DENND1B: variants seen among roughly 807,000 people sequenced by gnomAD.
DENND1B encodes the protein DENN domain containing 1B.
Under a neutral mutation model 90.1 loss-of-function variants are expected in DENND1B, and 59 were observed. The observed-to-expected ratio is 0.65, with a 90% CI of 0.53 to 0.81. The LOEUF (loss-of-function observed/expected upper bound fraction) is 0.81. DENND1B is among the 40% of genes least tolerant of loss of function. The probability of loss-of-function intolerance (pLI) is 0.00; values close to 1 mark genes in which losing one functional copy is unlikely to be tolerated. For missense variants in DENND1B, 862 were observed against 912.6 expected (o/e 0.94, Z 0.71); for synonymous variants, 337 against 324.6 (o/e 1.04, Z -0.41).
chr1:197,740,645 TAAATTACAAGGG>T (rs1444745672), intron 2 of DENND1B, among the ~76,000 whole-genome samples: 2 of 152,214 alleles, frequency 1.3e-5, no homozygotes, highest in East Asian at 3.8e-4. Context: ...ACAGAATGTT[TAAATTACAAGGG>T]GCTTTTGGAT....
rs1432446718 is a variant in DENND1B, at chr1:197,552,800, C to T, written c.1240+222G>A. On this transcript the variant is annotated intron_variant, in intron 16 of 22. Coordinates refer to ENST00000620048, the MANE Select transcript of DENND1B (RefSeq NM_001195215.2). The stretch of plus-strand genomic sequence containing the variant: ...AATATTAAGAGATTATCGAGGCCAA[C>T]AGCTGCCAATTCAGGAGGCCAACTT... 2.3e-6 allele frequency: 3 copies of T among 1,314,988 alleles called. No homozygotes were observed. The African/African-American group carries it at 4.7e-5, about 20-fold the overall frequency. The allele number at this position is 1,314,988 out of a possible 1,614,324, so 81.5% of individuals were successfully genotyped here.
chr1:197,597,284 T>C (rs10922264), intron 13 of DENND1B, among the ~76,000 whole-genome samples: 1 of 151,724 alleles, frequency 6.6e-6, no homozygotes, highest in Non-Finnish European at 1.5e-5. Flanking sequence ...ATGCCTTCAA[T>C]AGCAATGGGA....
chr1:197,741,661 A>G (rs1663225700), intron 2 of DENND1B, among the ~76,000 whole-genome samples: 1 of 152,204 alleles, frequency 6.6e-6, no homozygotes, highest in Admixed American at 6.5e-5. Flanking sequence ...ACAGGCACAA[A>G]ACTTAAAACA....
intron 5 of DENND1B, among the ~76,000 whole-genome samples, chr1:197,668,741 T>C (rs1458777688): frequency 1.3e-5 from 2 of 151,908 alleles, no homozygotes; most frequent in African/African-American, 2.4e-5. Flanking sequence ...TTCATACTTT[T>C]CTCCTCACTC....
At chr1:197,678,903 A>G (rs556641724) in intron 3 of DENND1B, among the ~76,000 whole-genome samples, 1 of 152,234 alleles carries the variant, frequency 6.6e-6, no homozygotes, top group South Asian at 2.1e-4. Flanking sequence ...CAGGACAACT[A>G]TGCCCAGTGT....
At chr1:197,597,486 T>C (rs1675811827) in intron 13 of DENND1B, among the ~76,000 whole-genome samples, 1 of 151,824 alleles carries the variant, frequency 6.6e-6, no homozygotes, top group African/African-American at 2.4e-5. Flanking sequence ...TTAATGTGTA[T>C]TTTTAAAAAT....
At chr1:197,608,304 T>A (rs1262123936) in intron 12 of DENND1B, among the ~76,000 whole-genome samples, 1 of 150,638 alleles carries the variant, frequency 6.6e-6, no homozygotes, top group Non-Finnish European at 1.5e-5. Flanking sequence ...AAAGGCATAA[T>A]GTCTACAGTG....
At chr1:197,759,305 A>G (rs1373097645) in intron 2 of DENND1B, among the ~76,000 whole-genome samples, 1 of 151,654 alleles carries the variant, frequency 6.6e-6, no homozygotes. Context: ...AAACCAAATA[A>G]AAGAAATTAA....
intron 15 of DENND1B, among the ~76,000 whole-genome samples, chr1:197,553,360 C>A (rs1361381208): frequency 2.0e-5 from 3 of 152,118 alleles, no homozygotes; most frequent in South Asian, 2.1e-4. Flanking sequence ...AAGAGTCTAA[C>A]TCTAACTTAT....
intron 10 of DENND1B, among the ~76,000 whole-genome samples, chr1:197,629,583 T>C (rs1168208531): frequency 6.6e-6 from 1 of 151,232 alleles, no homozygotes; most frequent in Non-Finnish European, 1.5e-5. Context: ...TGCTAAATGA[T>C]GAGTTAATGG....
chr1:197,600,990 T>A (rs1228300972), intron 13 of DENND1B, among the ~76,000 whole-genome samples: 1 of 151,608 alleles, frequency 6.6e-6, no homozygotes, highest in South Asian at 2.1e-4. Flanking sequence ...ACATGGTTTT[T>A]TTCCCGTGCC....
chr1:197,552,317 G>T, intron 16 of DENND1B: 11 of 982,316 alleles, frequency 1.1e-5, no homozygotes, highest in Non-Finnish European at 1.3e-5. Context: ...CTAATACATT[G>T]TAAGCACTCA....
chr1:197,725,904 A>G (rs1283064181), intron 2 of DENND1B, among the ~76,000 whole-genome samples: 1 of 152,134 alleles, frequency 6.6e-6, no homozygotes, highest in Non-Finnish European at 1.5e-5. Flanking sequence ...TAATGAACCC[A>G]GTTATGATGC....
chr1:197,690,547 C>T, intron 3 of DENND1B: 3 of 219,392 alleles, frequency 1.4e-5, no homozygotes, highest in Non-Finnish European at 2.7e-5. Context: ...CAGACAGTTG[C>T]TGTGGGTGTC....
chr1:197,548,846 A>G (rs1671009835), intron 16 of DENND1B, among the ~76,000 whole-genome samples: 1 of 152,170 alleles, frequency 6.6e-6, no homozygotes. Context: ...AAAATTTCAT[A>G]GTATAGGGGC....
At chr1:197,640,378 TAGGAGA>T (rs2125914973) in intron 10 of DENND1B, among the ~76,000 whole-genome samples, 1 of 150,898 alleles carries the variant, frequency 6.6e-6, no homozygotes, top group Non-Finnish European at 1.5e-5. Context: ...GAGGCTGAGG[TAGGAGA>T]ATATCTTGAA....
intron 3 of DENND1B, among the ~76,000 whole-genome samples, chr1:197,682,407 A>G (rs557106051): frequency 6.6e-6 from 1 of 152,326 alleles, no homozygotes; most frequent in South Asian, 2.1e-4. Flanking sequence ...TATTTACTTA[A>G]AAGGTATAAA....
At chr1:197,549,130 G>T (rs1231175108) in intron 16 of DENND1B, among the ~76,000 whole-genome samples, 2 of 151,990 alleles carry the variant, frequency 1.3e-5, no homozygotes, top group African/African-American at 4.8e-5. Flanking sequence ...GCATTACTGA[G>T]GAAATTCTTA....
chr1:197,728,145 A>G (rs1661821288), intron 2 of DENND1B, among the ~76,000 whole-genome samples: 1 of 152,190 alleles, frequency 6.6e-6, no homozygotes, highest in Non-Finnish European at 1.5e-5. Flanking sequence ...AAATTTTTAA[A>G]AAGTGACCCT....
Sources: allele counts gnomAD v4.1 joint callset (sites outside exome capture counted in the v4.1 genomes callset), GRCh38; gene constraint gnomAD v4.1.1; transcripts MANE v1.5; gene names NCBI Gene and HGNC (gene_info 2026-07-23, HGNC 2026-07-21).